Variants in RIMS1 observed in about 807,000 individuals in gnomAD.
The protein encoded by RIMS1 is regulating synaptic membrane exocytosis 1.
Under a neutral mutation model 214.1 loss-of-function variants are expected in RIMS1, and 83 were observed. The ratio of observed to expected loss-of-function variants is 0.39; its 90% CI spans 0.32 to 0.47. The LOEUF (loss-of-function observed/expected upper bound fraction) is 0.47. Ranked by LOEUF, RIMS1 falls within the 20% of genes least tolerant of loss-of-function variation. The pLI, the probability that RIMS1 is intolerant of heterozygous loss-of-function variation, is 0.99. For synonymous variants in RIMS1, 793 were observed against 786.8 expected (o/e 1.01, Z -0.13); for missense variants, 2,050 against 2,161.8 (o/e 0.95, Z 1.03).
At chr6:71,895,533 G>T (rs1316293555) in intron 1 of RIMS1, among the ~76,000 whole-genome samples, 1 of 151,944 alleles carries the variant, frequency 6.6e-6, no homozygotes, top group Non-Finnish European at 1.5e-5. Context: ...AAATTAGCCG[G>T]CGTGGTGATG....
At chr6:72,271,842 A>G (rs1390959817) in intron 22 of RIMS1, among the ~76,000 whole-genome samples, 1 of 152,170 alleles carries the variant, frequency 6.6e-6, no homozygotes, top group Non-Finnish European at 1.5e-5. Flanking sequence ...GCTATGCATA[A>G]TGGATGCAAT....
At chr6:71,925,422 G>A (rs1390226152) in intron 1 of RIMS1, among the ~76,000 whole-genome samples, 1 of 152,176 alleles carries the variant, frequency 6.6e-6, no homozygotes, top group African/African-American at 2.4e-5. Flanking sequence ...TAAGTTAAAT[G>A]TTATTTTCCT....
Position 72,284,030 on chromosome 6 carries a change from A to G in RIMS1, c.3483-17A>G, listed in dbSNP as rs1181163033. On this transcript the variant is annotated splice_polypyrimidine_tract_variant and intron_variant, in intron 23 of 33. Transcript: ENST00000521978. Reference sequence around the variant, plus strand: ...TTTATTCATCATATATTTTGTGTTTAACATTTCATTCCACAGGCACTCCAG... The same window carrying G: ...TTTATTCATCATATATTTTGTGTTTGACATTTCATTCCACAGGCACTCCAG... 1 of 1,603,016 alleles carries G rather than the reference A, an allele frequency of 6.2e-7. No homozygotes were observed. The highest frequency in any genetic ancestry group is 2.2e-5 in the East Asian group (1 of 44,798).
rs1437712091 is a variant in RIMS1 at position 72,402,493 on chromosome 6, C to T, written c.*1779C>T. 1 of 152,592 alleles carries T rather than the reference C, an allele frequency of 6.6e-6. No individual in the cohort carries two copies. The highest frequency in any genetic ancestry group is 1.5e-5 in the Non-Finnish European group (1 of 68,030). The allele number at this position is 152,592 out of a possible 1,614,324, so 9.5% of individuals were successfully genotyped here. A position where few individuals can be genotyped will look rare whatever the true frequency, so the allele number is the denominator to read the frequency against. ...GTAACACATGTAGACACTGTGTACA[C>T]ACTAGGTTTTAATTCATAGACATAC... On this transcript the variant is annotated 3_prime_UTR_variant, in exon 34 of 34. Transcript: ENST00000521978.
intron 2 of RIMS1, among the ~76,000 whole-genome samples, chr6:72,096,128 C>T (rs563396367): frequency 1.3e-5 from 2 of 152,148 alleles, no homozygotes; most frequent in African/African-American, 4.8e-5. Flanking sequence ...GGAGGTTTCC[C>T]TAGACAACTT....
intron 4 of RIMS1, among the ~76,000 whole-genome samples, chr6:72,134,306 A>G (rs1355401482): frequency 3.3e-5 from 5 of 152,006 alleles, no homozygotes; most frequent in Non-Finnish European, 7.4e-5. Context: ...ATATATTTAT[A>G]CTTATAAAAA....
intron 2 of RIMS1, among the ~76,000 whole-genome samples, chr6:72,090,255 C>T (rs1014788044): frequency 6.6e-6 from 1 of 152,168 alleles, no homozygotes; most frequent in Non-Finnish European, 1.5e-5. Flanking sequence ...GATTCACCCA[C>T]CTTGGCCTCT....
At chr6:72,263,570 C>T in intron 19 of RIMS1, 1 of 985,244 alleles carries the variant, frequency 1.0e-6, no homozygotes, top group Non-Finnish European at 1.2e-6. Flanking sequence ...AAAAAAATCA[C>T]TTTTGAAGCA....
At chr6:72,026,530 G>A (rs1372682046) in intron 2 of RIMS1, among the ~76,000 whole-genome samples, 2 of 136,778 alleles carry the variant, frequency 1.5e-5, no homozygotes, top group Non-Finnish European at 3.0e-5. Flanking sequence ...GAGTCCATTT[G>A]GGTTTTTGGA....
chr6:72,093,296 A>G (rs1836860324), intron 2 of RIMS1, among the ~76,000 whole-genome samples: 1 of 150,986 alleles, frequency 6.6e-6, no homozygotes, highest in Non-Finnish European at 1.5e-5. Context: ...AGAGAACTCA[A>G]TAAGATTAAC....
chr6:72,077,008 G>A (rs1310414362), intron 2 of RIMS1, among the ~76,000 whole-genome samples: 1 of 152,162 alleles, frequency 6.6e-6, no homozygotes, highest in African/African-American at 2.4e-5. Flanking sequence ...TTGACTTCAT[G>A]TAACTGACCT....
At chr6:72,218,940 G>A (rs898194307) in intron 6 of RIMS1, among the ~76,000 whole-genome samples, 2 of 152,130 alleles carry the variant, frequency 1.3e-5, no homozygotes, top group South Asian at 4.1e-4. Flanking sequence ...GGGTGCTGCT[G>A]TTTATTAGTG....
chr6:71,954,037 G>T (rs925035985), intron 1 of RIMS1, among the ~76,000 whole-genome samples: 2 of 152,130 alleles, frequency 1.3e-5, no homozygotes, highest in African/African-American at 4.8e-5. Flanking sequence ...GAGTAGATGA[G>T]ACTTTCATGA....
Position 72,397,984 on chromosome 6 carries a change from A to G in RIMS1, c.4619-265A>G, listed in dbSNP as rs143041161. On this transcript the variant is annotated intron_variant, in intron 31 of 33. Coordinates refer to ENST00000521978, the MANE Select transcript of RIMS1 (RefSeq NM_014989.7). ...TATTAAGTACAAGAATTATAGAAAT[A>G]CTTTAGTGTTGTTATAGTCATTTAT... Among the ~76,000 whole-genome samples the G allele has an allele frequency of 4.5e-3, 684 of 152,292 alleles. 5 individuals carry two copies. Among genetic ancestry groups the G allele is most frequent in the African/African-American group, 0.014 (587 of 41,586 alleles).
intron 7 of RIMS1, among the ~76,000 whole-genome samples, chr6:72,235,394 T>C (rs1165917731): frequency 6.6e-6 from 1 of 152,088 alleles, no homozygotes; most frequent in Admixed American, 6.6e-5. Context: ...TATTTTACTT[T>C]GTACTACTAC....
At chr6:72,328,847 C>T (rs1478493952) in intron 28 of RIMS1, among the ~76,000 whole-genome samples, 2 of 151,726 alleles carry the variant, frequency 1.3e-5, no homozygotes, top group African/African-American at 2.4e-5. Flanking sequence ...GATTTTCTGT[C>T]ATCTGCCACC....
intron 29 of RIMS1, among the ~76,000 whole-genome samples, chr6:72,370,422 C>T (rs959473962): frequency 6.6e-6 from 1 of 152,190 alleles, no homozygotes; most frequent in African/African-American, 2.4e-5. Context: ...TCTCATCTGT[C>T]TAGCAAGTTA....
At chr6:72,071,904 A>T (rs191095004) in intron 2 of RIMS1, among the ~76,000 whole-genome samples, 15 of 152,360 alleles carry the variant, frequency 9.8e-5, no homozygotes, top group South Asian at 2.1e-4. Context: ...CATAACAGAT[A>T]GCAGTCTTCA....
intron 23 of RIMS1, among the ~76,000 whole-genome samples, chr6:72,277,505 C>G (rs538082830): frequency 6.6e-6 from 1 of 151,928 alleles, no homozygotes; most frequent in Admixed American, 6.6e-5. Context: ...TGGCGTGAAC[C>G]CGGGAGGCGG....
Sources: gnomAD v4.1 joint callset for allele counts (sites outside exome capture counted in the v4.1 genomes callset) on GRCh38, gnomAD v4.1.1 for gene constraint, MANE v1.5 for transcripts, NCBI Gene and HGNC (gene_info 2026-07-23, HGNC 2026-07-21) for gene names.